Variants in PLA2R1 observed in about 807,000 individuals in gnomAD.
PLA2R1 encodes secretory phospholipase A2 receptor.
Under a neutral mutation model 195.9 loss-of-function variants are expected in PLA2R1, and 158 were observed. That is an observed-to-expected ratio of 0.81 (90% CI 0.71 to 0.92). PLA2R1 has a LOEUF of 0.92. PLA2R1 is among the 40% of genes least tolerant of loss of function. PLA2R1 has a pLI of 0.00. For synonymous variants in PLA2R1, 586 were observed against 598.2 expected, an observed-to-expected ratio of 0.98 and a Z score of 0.30; for missense variants, 1,626 against 1,764.6, an observed-to-expected ratio of 0.92 and a Z score of 1.41.
rs776679939 is a variant in PLA2R1 at position 159,976,123 on chromosome 2, A to C, written c.2540T>G (p.Leu847Arg). The change falls in exon 17 of 30, where the codon CTT becomes CGT. Residue 847 changes from leucine to arginine, a missense_variant. By Grantham distance (102) the Leu-to-Arg change is moderately radical. Coordinates refer to ENST00000283243, the MANE Select transcript of PLA2R1 (RefSeq NM_007366.5). ...CTCATGTGCAGAATGAATTGTGAGA[A>C]GATCACTGTGCAGCCAGCTACAGAC... ...EFVCSWLHSD[L>R]LTIHSAHEQE... The C allele has an allele frequency of 1.9e-6, 3 of 1,613,222 alleles. No individual in the cohort carries two copies. The highest frequency in any genetic ancestry group is 2.5e-6 in the Non-Finnish European group (3 of 1,179,304).
intron 4 of PLA2R1, 50 bp downstream of exon 4, chr2:160,032,906 TAAC>T: frequency 8.0e-7 from 1 of 1,247,294 alleles, no homozygotes; most frequent in Non-Finnish European, 1.2e-6. Flanking sequence ...TGAAAACAGT[TAAC>T]AACCATCTTT....
At chr2:159,994,898 T>C (rs746530801) in intron 11 of PLA2R1, among the ~76,000 whole-genome samples, 7 of 152,074 alleles carry the variant, frequency 4.6e-5, no homozygotes, top group Non-Finnish European at 8.8e-5. Context: ...GTTCTGAGTG[T>C]TCATGTAGGT....
At chr2:159,965,041 A>G (rs545061887) in intron 20 of PLA2R1, among the ~76,000 whole-genome samples, 2 of 149,534 alleles carry the variant, frequency 1.3e-5, no homozygotes, top group South Asian at 4.3e-4. Flanking sequence ...AAAACCAGGA[A>G]GGTACAGAGA....
intron 1 of PLA2R1, 53 bp from the exon 2 acceptor site, chr2:160,045,210 C>T (rs961490503): frequency 7.3e-6 from 10 of 1,377,542 alleles, no homozygotes; most frequent in Admixed American, 5.6e-5. Flanking sequence ...AATTAACTAG[C>T]GTCATGAGGA....
intron 10 of PLA2R1, among the ~76,000 whole-genome samples, chr2:160,006,028 C>A (rs1462880905): frequency 6.6e-6 from 1 of 152,152 alleles, no homozygotes; most frequent in Non-Finnish European, 1.5e-5. Flanking sequence ...TATGAGTGAG[C>A]AGAATCTGAC....
Position 160,028,346 on chromosome 2 carries a change from G to T in PLA2R1, c.971C>A (p.Pro324Gln). The change falls in exon 6 of 30, where the codon CCA becomes CAA. Residue 324 changes from proline to glutamine, a missense_variant. Physicochemically the swap from Pro to Gln is moderately conservative, Grantham distance 76. Transcript: ENST00000283243. ...TGTTCCACAGTGATCTTCAACAAAT[G>T]GCTCAAAATTTACCTCTGAAAATAC... ...LNWSPEVNFE[P>Q]FVEDHCGTFS... 1 of 1,607,626 alleles carries T rather than the reference G, an allele frequency of 6.2e-7. No individual in the cohort carries two copies. Among genetic ancestry groups the T allele is most frequent in the Non-Finnish European group, 8.5e-7 (1 of 1,176,096 alleles).
chr2:159,933,281 C>T lies in PLA2R1; in HGVS notation c.*8497G>A, dbSNP rs751239118. On this transcript the variant is annotated 3_prime_UTR_variant, in exon 30 of 30. Coordinates refer to ENST00000283243, the MANE Select transcript of PLA2R1 (RefSeq NM_007366.5). Reference sequence around the variant, plus strand: ...TTGGCATCCTTCTGCAATTAGAATTCGTCATTAGGTATTAGAGGAACATGC... The same window carrying T: ...TTGGCATCCTTCTGCAATTAGAATTTGTCATTAGGTATTAGAGGAACATGC... 5 of 152,122 alleles carry T rather than the reference C, an allele frequency of 3.3e-5. No individual in the cohort carries two copies. The highest frequency in any genetic ancestry group is 4.8e-5 in the African/African-American group (2 of 41,422). The allele number at this position is 152,122 out of a possible 1,614,324, so 9.4% of individuals were successfully genotyped here.
Position 159,947,436 on chromosome 2 carries a change from T to G in PLA2R1, c.3833A>C (p.Glu1278Ala). The G allele has an allele frequency of 6.3e-7, 1 of 1,598,492 alleles. No individual in the cohort carries two copies. The highest frequency in any genetic ancestry group is 2.3e-5 in the East Asian group (1 of 44,180). Residue 1278 changes from glutamate to alanine, a missense_variant, in exon 26 of 30, where the codon GAA becomes GCA. Glu to Ala is a moderately radical substitution (Grantham distance 107). Transcript: ENST00000283243. The part of the protein sequence containing the change: ...LDSMSFEAAH[E>A]FCKKEGSNLL... The stretch of plus-strand genomic sequence containing the variant: ...ACAATTACCTTCCTTTTTGCAAAAT[T>G]CATGAGCAGCCTCAAAACTCATACT...
chr2:160,034,620 T>C (rs1160232801), intron 3 of PLA2R1, among the ~76,000 whole-genome samples: 1 of 152,120 alleles, frequency 6.6e-6, no homozygotes, highest in Non-Finnish European at 1.5e-5. Context: ...GGGGGTGTGT[T>C]CATAGTTTTG....
intron 1 of PLA2R1, among the ~76,000 whole-genome samples, chr2:160,062,020 C>T (rs1695989918): frequency 6.6e-6 from 1 of 152,116 alleles, no homozygotes; most frequent in Non-Finnish European, 1.5e-5. Context: ...AGAGGAGTTA[C>T]CTGCGAGACC....
At position 159,940,102 on chromosome 2, in the gene PLA2R1, G is replaced by A. The variant is rs967206090; in HGVS notation, c.*1676C>T. 3.3e-5 allele frequency: 5 copies of A among 152,046 alleles called. No homozygotes were observed. Among genetic ancestry groups the A allele is most frequent in the Non-Finnish European group, 2.9e-5 (2 of 68,016 alleles). The allele number at this position is 152,046 out of a possible 1,614,324, so 9.4% of individuals were successfully genotyped here. On this transcript the variant is annotated 3_prime_UTR_variant, in exon 30 of 30. Coordinates refer to ENST00000283243, the MANE Select transcript of PLA2R1 (RefSeq NM_007366.5). ...TTCAAATTGTATTTCTAATGATGAT[G>A]GTTTGCCTCTTAGAAATTCATTCAT...
At chr2:160,059,354 G>A (rs543767983) in intron 1 of PLA2R1, among the ~76,000 whole-genome samples, 11 of 152,310 alleles carry the variant, frequency 7.2e-5, no homozygotes, top group South Asian at 6.2e-4. Context: ...GCTGTGCACC[G>A]TAGTAAGTAA....
chr2:160,006,071 TAG>T (rs1026111436), intron 10 of PLA2R1, among the ~76,000 whole-genome samples: 6 of 152,088 alleles, frequency 3.9e-5, no homozygotes, highest in Admixed American at 1.3e-4. Context: ...TTGCACAGAA[TAG>T]AGAGTCCAGC....
chr2:160,019,160 C>T (rs982386345), intron 8 of PLA2R1, among the ~76,000 whole-genome samples: 3 of 152,170 alleles, frequency 2.0e-5, no homozygotes, highest in Non-Finnish European at 2.9e-5. Context: ...GTTCAGGCTA[C>T]TGGGACCACT....
chr2:159,993,006 C>A (rs1690934669), intron 11 of PLA2R1, among the ~76,000 whole-genome samples: 1 of 152,114 alleles, frequency 6.6e-6, no homozygotes, highest in Non-Finnish European at 1.5e-5. Flanking sequence ...AATACAGACA[C>A]CTATGAGCCT....
At chr2:160,032,562 A>G (rs1271549891) in intron 4 of PLA2R1, among the ~76,000 whole-genome samples, 2 of 152,234 alleles carry the variant, frequency 1.3e-5, no homozygotes, top group Non-Finnish European at 2.9e-5. Context: ...GTACCTGCAC[A>G]TGGTGAATGA....
intron 10 of PLA2R1, among the ~76,000 whole-genome samples, chr2:160,011,959 C>T (rs72957274): frequency 8.7e-4 from 131 of 151,432 alleles, no homozygotes; most frequent in African/African-American, 3.0e-3. Flanking sequence ...TGTGTGTGTG[C>T]GTGTGTCTGT....
At position 159,977,445 on chromosome 2, in the gene PLA2R1, A is replaced by G. The variant is rs771659079; in HGVS notation, c.2269-29T>C. 2.3e-5 allele frequency: 37 copies of G among 1,607,860 alleles called. No homozygotes were observed. The South Asian group carries it at 2.6e-4, about 11-fold the overall frequency. ...CAGCAGATGAAGTTCATTATTCCTT[A>G]ATGATGATCCCCCCACAAAGTTTCA... On this transcript the variant is annotated intron_variant, in intron 14 of 29. Coordinates refer to ENST00000283243, the MANE Select transcript of PLA2R1 (RefSeq NM_007366.5).
At chr2:159,925,250 G>C in the PLA2R1 span, among the ~76,000 whole-genome samples, 1 of 152,066 alleles carries the variant, frequency 6.6e-6, no homozygotes, top group Non-Finnish European at 1.5e-5. Context: ...TACGGCAATG[G>C]TAAGCATCTT....
Sources: allele counts gnomAD v4.1 joint callset (sites outside exome capture counted in the v4.1 genomes callset), GRCh38; gene constraint gnomAD v4.1.1; transcripts MANE v1.5; gene names NCBI Gene and HGNC (gene_info 2026-07-23, HGNC 2026-07-21).